ROCK2: variants seen among roughly 807,000 people sequenced by gnomAD.
ROCK2 encodes the protein Rho associated coiled-coil containing protein kinase 2, also known as rho-associated protein kinase 2.
A neutral mutation model predicts 195.1 loss-of-function variants in ROCK2; 61 were observed. That is an observed-to-expected ratio of 0.31 (90% CI 0.25 to 0.39). The LOEUF (loss-of-function observed/expected upper bound fraction) is 0.39. ROCK2 is among the 10% of genes least tolerant of loss of function. ROCK2 has a pLI of 1.00. For missense variants in ROCK2, 1,109 were observed against 1,637.4 expected, an observed-to-expected ratio of 0.68 and a Z score of 5.57; for synonymous variants, 504 against 545.5, an observed-to-expected ratio of 0.92 and a Z score of 1.06.
intron 6 of ROCK2, among the ~76,000 whole-genome samples, chr2:11,226,235 T>C (rs1664806968): frequency 6.6e-6 from 1 of 152,198 alleles, no homozygotes; most frequent in African/African-American, 2.4e-5. Context: ...TACTAGTATT[T>C]TTATGACCCC....
chr2:11,257,201 G>C (rs1240199667), intron 3 of ROCK2, among the ~76,000 whole-genome samples: 3 of 151,498 alleles, frequency 2.0e-5, no homozygotes, highest in Non-Finnish European at 4.4e-5. Context: ...TGGGCAGCGA[G>C]AGCCTCATGG....
chr2:11,214,289 A>G (rs1268052724), intron 17 of ROCK2, 68 bp downstream of exon 17: 3 of 859,920 alleles, frequency 3.5e-6, no homozygotes, highest in Non-Finnish European at 5.6e-6. Context: ...CCCTTAGTTT[A>G]GAATAACTTT....
At chr2:11,286,177 TCA>T (rs1057447810) in intron 3 of ROCK2, among the ~76,000 whole-genome samples, 17 of 101,700 alleles carry the variant, frequency 1.7e-4, no homozygotes, top group African/African-American at 5.0e-4. Context: ...AGATTTAATT[TCA>T]GTTATTAAAA....
At chr2:11,304,564 T>G (rs10210180) in intron 1 of ROCK2, among the ~76,000 whole-genome samples, 218 of 152,340 alleles carry the variant, frequency 1.4e-3, no homozygotes, top group African/African-American at 5.0e-3. Context: ...CTTCTCTCTC[T>G]TCTTAGAATA....
At chr2:11,270,605 G>A (rs1041230445) in intron 3 of ROCK2, among the ~76,000 whole-genome samples, 1 of 152,078 alleles carries the variant, frequency 6.6e-6, no homozygotes, top group South Asian at 2.1e-4. Flanking sequence ...GAAACTTAGA[G>A]ATATTTTATC....
chr2:11,183,936 C>G (rs1410798380), intron 32 of ROCK2, among the ~76,000 whole-genome samples: 2 of 151,242 alleles, frequency 1.3e-5, no homozygotes, highest in Admixed American at 1.3e-4. Flanking sequence ...TAAATAGATA[C>G]CAGTACTACC....
intron 1 of ROCK2, among the ~76,000 whole-genome samples, chr2:11,340,838 T>C (rs1008011534): frequency 6.6e-6 from 1 of 152,142 alleles, no homozygotes; most frequent in Non-Finnish European, 1.5e-5. Context: ...AAGTCTTAAG[T>C]AAGAGTTTAC....
intron 1 of ROCK2, among the ~76,000 whole-genome samples, chr2:11,306,050 T>C (rs1254548958): frequency 6.6e-6 from 1 of 152,168 alleles, no homozygotes; most frequent in East Asian, 1.9e-4. Flanking sequence ...TGGGGAACTG[T>C]TCCAGATTGA....
At chr2:11,265,801 G>T (rs1190833013) in intron 3 of ROCK2, among the ~76,000 whole-genome samples, 1 of 152,070 alleles carries the variant, frequency 6.6e-6, no homozygotes, top group African/African-American at 2.4e-5. Flanking sequence ...GTAAGCAGGG[G>T]GATTACACAG....
intron 1 of ROCK2, among the ~76,000 whole-genome samples, chr2:11,334,594 G>A (rs1164660992): frequency 6.8e-6 from 1 of 147,780 alleles, no homozygotes; most frequent in Admixed American, 6.7e-5. Context: ...CGTACTAAAA[G>A]AGCTCATATT....
chr2:11,246,959 G>A (rs1477088685), intron 4 of ROCK2, among the ~76,000 whole-genome samples: 1 of 152,104 alleles, frequency 6.6e-6, no homozygotes, highest in African/African-American at 2.4e-5. Flanking sequence ...CAACACAAAT[G>A]TCCATTAAGT....
At chr2:11,323,075 T>C (rs547461033) in intron 1 of ROCK2, among the ~76,000 whole-genome samples, 1 of 152,332 alleles carries the variant, frequency 6.6e-6, no homozygotes. Context: ...ACAACAAATA[T>C]TCTGAAGTTT....
intron 3 of ROCK2, among the ~76,000 whole-genome samples, chr2:11,285,757 G>A (rs1232792561): frequency 6.6e-6 from 1 of 152,070 alleles, no homozygotes; most frequent in Non-Finnish European, 1.5e-5. Flanking sequence ...AGCTTGAGAA[G>A]TCAAGACTGC....
intron 18 of ROCK2, among the ~76,000 whole-genome samples, chr2:11,209,854 C>T (rs1558293286): frequency 6.6e-6 from 1 of 152,142 alleles, no homozygotes; most frequent in South Asian, 2.1e-4. Flanking sequence ...ATGAAACATT[C>T]CCCATGTAGT....
chr2:11,314,245 T>A (rs72789529), intron 1 of ROCK2, among the ~76,000 whole-genome samples: 6,452 of 152,008 alleles, frequency 0.042, 278 homozygotes, highest in Non-Finnish European at 0.06. Flanking sequence ...TAATGTAGCA[T>A]CTAAAAACAT....
chr2:11,255,928 C>CAAAAAA (rs57678031), intron 3 of ROCK2, among the ~76,000 whole-genome samples: 1 of 33,064 alleles, frequency 3.0e-5, no homozygotes, highest in African/African-American at 1.3e-4. Flanking sequence ...GACTCCATCT[C>CAAAAAA]AAAAAAAAAA....
chr2:11,255,665 A>G (rs1416495576), intron 3 of ROCK2, among the ~76,000 whole-genome samples: 1 of 151,054 alleles, frequency 6.6e-6, no homozygotes, highest in African/African-American at 2.5e-5. Context: ...CACACCTGTG[A>G]TCCCAGCACT....
chr2:11,242,844 G>C (rs1393957068), intron 4 of ROCK2, among the ~76,000 whole-genome samples: 2 of 152,090 alleles, frequency 1.3e-5, no homozygotes, highest in African/African-American at 4.8e-5. Flanking sequence ...TGACATTCAA[G>C]TATCTCATGC....
chr2:11,304,664 C>T (rs1667800077), intron 1 of ROCK2, among the ~76,000 whole-genome samples: 1 of 152,188 alleles, frequency 6.6e-6, no homozygotes, highest in Admixed American at 6.5e-5. Flanking sequence ...AGCACAATTC[C>T]CAGCCTTTGA....
Sources: allele counts gnomAD v4.1 joint callset (sites outside exome capture counted in the v4.1 genomes callset), GRCh38; gene constraint gnomAD v4.1.1; transcripts MANE v1.5; gene names NCBI Gene and HGNC (gene_info 2026-07-23, HGNC 2026-07-21).